Variants in SYBU observed in about 807,000 individuals in gnomAD.
SYBU encodes syntabulin.
SYBU carries 21 observed loss-of-function variants against 35.9 expected under a neutral mutation model. That is an observed-to-expected ratio of 0.58 (90% confidence interval 0.41 to 0.84). The LOEUF is 0.84. Ranked by LOEUF, SYBU falls within the 40% of genes least tolerant of loss-of-function variation. SYBU has a pLI of 0.00. For synonymous variants in SYBU, 319 were observed against 324.3 expected (o/e 0.98, Z 0.18); for missense variants, 768 against 848.2 (o/e 0.91, Z 1.17).
chr8:109,612,761 C>T (rs1811317321), intron 3 of SYBU, among the ~76,000 whole-genome samples: 2 of 152,130 alleles, frequency 1.3e-5, no homozygotes, highest in South Asian at 4.1e-4. Context: ...GGGCAGATCA[C>T]CTGAGGTCTG....
At chr8:109,582,174 T>G (rs1352551750) in intron 4 of SYBU, among the ~76,000 whole-genome samples, 1 of 152,214 alleles carries the variant, frequency 6.6e-6, no homozygotes, top group East Asian at 1.9e-4. Flanking sequence ...ACGAGTTAAC[T>G]TCCACTGAGG....
rs1351012720 is a variant in SYBU at position 109,574,920 on chromosome 8, G to A, written c.1978C>T (p.Arg660Cys). The A allele has an allele frequency of 4.0e-6, 6 of 1,513,874 alleles. No individual in the cohort carries two copies. In the South Asian group the frequency reaches 4.0e-5, roughly 10 times the overall value. The allele number at this position is 1,513,874 out of a possible 1,614,324, so 93.8% of individuals were successfully genotyped here. A position where few individuals can be genotyped will look rare whatever the true frequency, so the allele number is the denominator to read the frequency against. The change falls in exon 7 of 7, where the codon CGT becomes TGT. Residue 660 changes from arginine (R) to cysteine (C), a missense_variant. Arg to Cys is a radical substitution (Grantham distance 180, BLOSUM62 -3). Coordinates refer to ENST00000276646, the MANE Select transcript of SYBU (RefSeq NM_001099754.2). Reference protein sequence around the residue: ...ALHSLRRTAFRIKT With the variant: ...ALHSLRRTAFCIKT ...ACAACTTCTATTTAGGTTTTGATAC[G>A]GAAGGCGGTGCGGCGGAGCGAATGC...
At chr8:109,602,740 G>A (rs187851034) in intron 3 of SYBU, among the ~76,000 whole-genome samples, 37 of 152,164 alleles carry the variant, frequency 2.4e-4, no homozygotes, top group African/African-American at 5.8e-4. Flanking sequence ...TGTAAATTTC[G>A]TTTGCAAGCA....
chr8:109,665,465 T>C (rs1178737373), intron 1 of SYBU, among the ~76,000 whole-genome samples: 1 of 152,230 alleles, frequency 6.6e-6, no homozygotes, highest in Non-Finnish European at 1.5e-5. Flanking sequence ...TTTTAAATTA[T>C]TTAAAATTAA....
intron 3 of SYBU, among the ~76,000 whole-genome samples, chr8:109,587,323 T>C (rs1318400125): frequency 6.6e-6 from 1 of 152,238 alleles, no homozygotes; most frequent in Non-Finnish European, 1.5e-5. Context: ...ATACTTTCTA[T>C]GCTATATATT....
intron 3 of SYBU, among the ~76,000 whole-genome samples, chr8:109,604,749 T>A (rs1361242269): frequency 6.6e-6 from 1 of 152,232 alleles, no homozygotes; most frequent in African/African-American, 2.4e-5. Context: ...CTAGTGCTTC[T>A]AAGCTCGTGG....
At chr8:109,652,096 C>T (rs1347539035) in intron 1 of SYBU, among the ~76,000 whole-genome samples, 1 of 152,176 alleles carries the variant, frequency 6.6e-6, no homozygotes, top group Non-Finnish European at 1.5e-5. Flanking sequence ...ACAATGATTG[C>T]TGCCTCAAGT....
Position 109,619,021 on chromosome 8 carries a change from C to T in SYBU, c.248G>A (p.Ser83Asn). 6.2e-7 allele frequency: 1 copy of T among 1,613,660 alleles called. No individual in the cohort carries two copies. The highest frequency in any genetic ancestry group is 8.5e-7 in the Non-Finnish European group (1 of 1,179,676). Residue 83 changes from serine to asparagine, a missense_variant, in exon 3 of 7, where the codon AGC (serine) becomes AAC (asparagine). Ser to Asn is a conservative substitution (Grantham distance 46). Transcript: ENST00000276646. The part of the protein sequence containing the change: ...SFCSDDTGCP[S>N]SQSVSPVKTP... ...CTTCACAGGAGACACTGACTGGCTG[C>T]TAGGACAGCCTGTGTCATCTAGAAG...
chr8:109,607,971 C>A, intron 3 of SYBU: 1 of 1,535,094 alleles, frequency 6.5e-7, no homozygotes, highest in Non-Finnish European at 8.7e-7. Context: ...AGCCTCCCAG[C>A]ACAGGCTGGG....
intron 3 of SYBU, among the ~76,000 whole-genome samples, chr8:109,616,674 A>G (rs1811827426): frequency 6.6e-6 from 1 of 151,324 alleles, no homozygotes; most frequent in South Asian, 2.1e-4. Flanking sequence ...AAAACCCTAC[A>G]ATAGCTTCAT....
At chr8:109,636,871 G>T (rs905046891) in intron 2 of SYBU, among the ~76,000 whole-genome samples, 4 of 152,138 alleles carry the variant, frequency 2.6e-5, no homozygotes, top group Non-Finnish European at 5.9e-5. Context: ...TAAGACTAAT[G>T]ACATGGGACC....
At chr8:109,580,236 A>C in intron 4 of SYBU, 1 of 508,992 alleles carries the variant, frequency 2.0e-6, no homozygotes, top group Non-Finnish European at 3.6e-6. Flanking sequence ...ATAGTTTCTG[A>C]CCATAAAGCT....
intron 6 of SYBU, among the ~76,000 whole-genome samples, chr8:109,577,652 G>T (rs529201084): frequency 6.6e-6 from 1 of 152,072 alleles, no homozygotes; most frequent in African/African-American, 2.4e-5. Context: ...GAAAAACAAA[G>T]GTTCCCCTCT....
chr8:109,685,826 A>C (rs949403559), upstream of SYBU, among the ~76,000 whole-genome samples: 2 of 152,228 alleles, frequency 1.3e-5, no homozygotes, highest in Non-Finnish European at 2.9e-5. Flanking sequence ...AATAAAAGTC[A>C]GAGACAAAGC....
chr8:109,602,730 T>C (rs777015625), intron 3 of SYBU, among the ~76,000 whole-genome samples: 1 of 152,136 alleles, frequency 6.6e-6, no homozygotes, highest in Non-Finnish European at 1.5e-5. Context: ...TAATCTTTCA[T>C]GTAAATTTCG....
intron 3 of SYBU, among the ~76,000 whole-genome samples, chr8:109,606,634 C>A (rs1283922892): frequency 6.6e-6 from 1 of 152,062 alleles, no homozygotes; most frequent in African/African-American, 2.4e-5. Flanking sequence ...TCTCACACAC[C>A]CATGTTTGTC....
At chr8:109,685,760 G>C (rs1817506086), upstream of SYBU, among the ~76,000 whole-genome samples, 1 of 152,138 alleles carries the variant, frequency 6.6e-6, no homozygotes, top group Non-Finnish European at 1.5e-5. Flanking sequence ...CTCATTATTT[G>C]AGGAGGCATA....
At chr8:109,659,051 C>T (rs1286800686) in intron 1 of SYBU, among the ~76,000 whole-genome samples, 2 of 152,102 alleles carry the variant, frequency 1.3e-5, no homozygotes, top group Admixed American at 6.5e-5. Flanking sequence ...TTTTTAAAAG[C>T]GATCTCACTC....
At chr8:109,652,835 A>C (rs1206683350) in intron 1 of SYBU, among the ~76,000 whole-genome samples, 1 of 152,112 alleles carries the variant, frequency 6.6e-6, no homozygotes. Flanking sequence ...ATGGTTCCAA[A>C]CTCCTTTCTT....
Sources: gnomAD v4.1 joint callset for allele counts (sites outside exome capture counted in the v4.1 genomes callset) on GRCh38, gnomAD v4.1.1 for gene constraint, MANE v1.5 for transcripts, NCBI Gene and HGNC (gene_info 2026-07-23, HGNC 2026-07-21) for gene names.